Variants in CDC73 observed in about 807,000 individuals in gnomAD.
CDC73 encodes parafibromin.
CDC73 carries 21 observed loss-of-function variants against 83.7 expected under a neutral mutation model. The ratio of observed to expected loss-of-function variants is 0.25; its 90% confidence interval spans 0.18 to 0.36. The LOEUF is 0.36. Among genes scored for constraint, CDC73 ranks in the 10% least tolerant of loss-of-function variants. CDC73 has a pLI of 1.00. For synonymous variants in CDC73, 224 were observed against 212.9 expected (o/e 1.05, Z -0.45); for missense variants, 342 against 653.3 (o/e 0.52, Z 5.19).
chr1:193,237,631 C>G (rs113736168), intron 15 of CDC73, among the ~76,000 whole-genome samples: 4 of 151,882 alleles, frequency 2.6e-5, no homozygotes, highest in East Asian at 1.9e-4. Context: ...GGTGGGGTGG[C>G]GAGGCAGTGG....
At chr1:193,250,214 AAG>A (rs1678023502) in intron 16 of CDC73, among the ~76,000 whole-genome samples, 1 of 151,888 alleles carries the variant, frequency 6.6e-6, no homozygotes, top group Non-Finnish European at 1.5e-5. Context: ...CAAGTACTGA[AAG>A]ATCTATGATT....
chr1:193,125,002 TAG>T, intron 1 of CDC73, 108 bp from the exon 2 acceptor site: 1 of 709,466 alleles, frequency 1.4e-6, no homozygotes. Flanking sequence ...TTTTTTTTGT[TAG>T]CTATGTTAAA....
At chr1:193,202,051 T>A (rs1167952563) in intron 10 of CDC73, among the ~76,000 whole-genome samples, 4 of 152,160 alleles carry the variant, frequency 2.6e-5, no homozygotes, top group Non-Finnish European at 5.9e-5. Context: ...TATTTCCTCT[T>A]AAATCACATC....
At chr1:193,208,944 C>T (rs1035119706) in intron 11 of CDC73, among the ~76,000 whole-genome samples, 18 of 152,266 alleles carry the variant, frequency 1.2e-4, no homozygotes, top group African/African-American at 4.3e-4. Context: ...CTTTGAGAAG[C>T]TGTTTGCATT....
intron 10 of CDC73, among the ~76,000 whole-genome samples, chr1:193,172,921 T>G (rs1676541597): frequency 6.6e-6 from 1 of 152,220 alleles, no homozygotes; most frequent in Non-Finnish European, 1.5e-5. Context: ...GGTTTATTTT[T>G]TCTTTGAAAT....
chr1:193,195,609 C>T (rs2103171493), intron 10 of CDC73, among the ~76,000 whole-genome samples: 1 of 152,160 alleles, frequency 6.6e-6, no homozygotes, highest in African/African-American at 2.4e-5. Flanking sequence ...TTTTATATTC[C>T]TGCCAGTCAT....
chr1:193,215,694 A>G (rs981336269), intron 13 of CDC73, among the ~76,000 whole-genome samples: 1 of 151,634 alleles, frequency 6.6e-6, no homozygotes, highest in Admixed American at 6.6e-5. Flanking sequence ...GGCTCAAGCA[A>G]TCCTCTTGCC....
chr1:193,196,102 T>C (rs1572191113), intron 10 of CDC73, among the ~76,000 whole-genome samples: 1 of 152,216 alleles, frequency 6.6e-6, no homozygotes, highest in African/African-American at 2.4e-5. Context: ...TCTGTTTTCT[T>C]CTAAGAGTTT....
At chr1:193,229,634 C>G (rs1308578640) in intron 13 of CDC73, among the ~76,000 whole-genome samples, 1 of 152,224 alleles carries the variant, frequency 6.6e-6, no homozygotes, top group East Asian at 1.9e-4. Context: ...TGTGCTATTT[C>G]TCTTACTGTA....
intron 10 of CDC73, among the ~76,000 whole-genome samples, chr1:193,164,384 TA>T (rs1259160235): frequency 6.6e-6 from 1 of 152,196 alleles, no homozygotes; most frequent in African/African-American, 2.4e-5. Flanking sequence ...GCTGAGAAAC[TA>T]AGTAATGTTA....
rs569631947 is a variant in CDC73 at position 193,237,266 on chromosome 1, C to T, written c.1417+910C>T. Among the ~76,000 whole-genome samples, 55 of 151,944 alleles carry T rather than the reference C, an allele frequency of 3.6e-4. 1 individual carries two copies. In the East Asian group the frequency reaches 0.01, roughly 29 times the overall value. ...TTTGTTAGTGGTACCATCATTTTTC[C>T]TTAGAAAATACCCAAGCTTGAAAGT... On this transcript the variant is annotated intron_variant, in intron 15 of 16. Coordinates refer to ENST00000367435, the MANE Select transcript of CDC73 (RefSeq NM_024529.5).
At chr1:193,187,102 T>TCCCCCCCCCCC (rs3079946) in intron 10 of CDC73, among the ~76,000 whole-genome samples, 4 of 32,858 alleles carry the variant, frequency 1.2e-4, no homozygotes, top group Non-Finnish European at 2.1e-4. Context: ...GTAATTTAGA[T>TCCCCCCCCCCC]CCCCCCCCCC....
chr1:193,130,779 C>T (rs535984405), intron 3 of CDC73, among the ~76,000 whole-genome samples: 6 of 152,274 alleles, frequency 3.9e-5, no homozygotes, highest in African/African-American at 1.4e-4. Flanking sequence ...TTAAGGATTG[C>T]TACATCCTTT....
chr1:193,162,355 T>C (rs961456742), intron 10 of CDC73, among the ~76,000 whole-genome samples: 6 of 138,766 alleles, frequency 4.3e-5, no homozygotes, highest in Non-Finnish European at 9.1e-5. Context: ...TATACATATA[T>C]ATTATATATA....
intron 10 of CDC73, among the ~76,000 whole-genome samples, chr1:193,170,163 T>C (rs1226439213): frequency 6.6e-6 from 1 of 152,200 alleles, no homozygotes; most frequent in East Asian, 1.9e-4. Flanking sequence ...TTCCATGGTG[T>C]ATATGTAACA....
chr1:193,204,287 A>G (rs61388883), intron 11 of CDC73, among the ~76,000 whole-genome samples: 2 of 133,974 alleles, frequency 1.5e-5, no homozygotes, highest in African/African-American at 2.9e-5. Context: ...GTATATATAT[A>G]TTTTTTTTTT....
chr1:193,175,321 A>G (rs1342009898), intron 10 of CDC73, among the ~76,000 whole-genome samples: 1 of 152,214 alleles, frequency 6.6e-6, no homozygotes, highest in Non-Finnish European at 1.5e-5. Flanking sequence ...GGGCAAGATG[A>G]AGAAAAGTAG....
intron 10 of CDC73, among the ~76,000 whole-genome samples, chr1:193,168,397 A>T (rs561022445): frequency 4.9e-4 from 74 of 152,284 alleles, no homozygotes; most frequent in African/African-American, 1.7e-3. Flanking sequence ...TTAGTGTTAC[A>T]TGCTTTTTGG....
chr1:193,207,355 C>T (rs1677204604), intron 11 of CDC73, among the ~76,000 whole-genome samples: 1 of 152,142 alleles, frequency 6.6e-6, no homozygotes, highest in Admixed American at 6.6e-5. Context: ...TGACAAACAT[C>T]TTAACAGAAA....
Sources: allele counts gnomAD v4.1 joint callset (sites outside exome capture counted in the v4.1 genomes callset), GRCh38; gene constraint gnomAD v4.1.1; transcripts MANE v1.5; gene names NCBI Gene and HGNC (gene_info 2026-07-23, HGNC 2026-07-21).